The following PACRG variants were observed in gnomAD, a reference collection of about 807,000 sequenced individuals.
PACRG encodes the protein parkin coregulated.
In PACRG, 29 loss-of-function variants were observed where a neutral mutation model predicts 29.7. The observed-to-expected ratio is 0.98, with a 90% CI of 0.73 to 1.33. PACRG has a LOEUF of 1.33. Among genes scored for constraint, PACRG ranks in the 40% most tolerant of loss-of-function variants. The pLI is 0.00. For missense variants in PACRG, 279 were observed against 316.2 expected (o/e 0.88, Z 0.89); for synonymous variants, 116 against 118.7 (o/e 0.98, Z 0.15).
At chr6:163,173,941 G>A (rs1246856401) in intron 4 of PACRG, among the ~76,000 whole-genome samples, 5 of 152,196 alleles carry the variant, frequency 3.3e-5, no homozygotes, top group African/African-American at 4.8e-5. Flanking sequence ...CCTGGAGCAC[G>A]TATCAGCTGC....
At chr6:162,811,263 C>T (rs1022717957) in intron 1 of PACRG, among the ~76,000 whole-genome samples, 1 of 152,012 alleles carries the variant, frequency 6.6e-6, no homozygotes, top group Non-Finnish European at 1.5e-5. Context: ...AAAGGAGAAA[C>T]CGAAGACACA....
chr6:162,905,983 C>T (rs1795904819), intron 2 of PACRG, among the ~76,000 whole-genome samples: 1 of 152,042 alleles, frequency 6.6e-6, no homozygotes. Flanking sequence ...TTTGCAATTC[C>T]TGGTTTATAT....
intron 2 of PACRG, among the ~76,000 whole-genome samples, chr6:162,877,593 A>G (rs1195695599): frequency 6.8e-6 from 1 of 146,970 alleles, no homozygotes; most frequent in East Asian, 1.9e-4. Context: ...ATAATAAAAA[A>G]AAGAAAAAAA....
intron 2 of PACRG, among the ~76,000 whole-genome samples, chr6:162,820,862 A>G (rs1787783381): frequency 6.6e-6 from 1 of 152,198 alleles, no homozygotes; most frequent in South Asian, 2.1e-4. Flanking sequence ...AAATTTTACA[A>G]GAGAAGTGAC....
At position 162,955,970 on chromosome 6, in the gene PACRG, G is replaced by A. The variant is rs146526930; in HGVS notation, c.292-106180G>A. Among the ~76,000 whole-genome samples the A allele has an allele frequency of 9.5e-3, 1,448 of 152,190 alleles. 26 individuals carry two copies. The highest frequency in any genetic ancestry group is 0.033 in the African/African-American group (1,385 of 41,554). The stretch of plus-strand genomic sequence containing the variant: ...GGTGGGAGCAGCCTGGCGACATGGT[G>A]GTGGTGGGAGAGGAGCCTCTGGACA... On this transcript the variant is annotated intron_variant, in intron 2 of 4. Coordinates refer to ENST00000366888, the MANE Select transcript of PACRG (RefSeq NM_001080379.2).
At position 163,020,542 on chromosome 6, in the gene PACRG, G is replaced by A. The variant is rs139429551; in HGVS notation, c.292-41608G>A. Among the ~76,000 whole-genome samples, 294 of 152,244 alleles carry A rather than the reference G, an allele frequency of 1.9e-3. 1 individual carries two copies. The highest frequency in any genetic ancestry group is 6.2e-3 in the African/African-American group (256 of 41,550). ...AAACAAATAGAAAGGGACCCAGACC[G>A]GTTTGAGCGGTGAGTATTCCACAGA... On this transcript the variant is annotated intron_variant, in intron 2 of 4. Transcript: ENST00000366888.
In PACRG at chr6:163,114,019, G is replaced by T. The variant is rs184289691; in HGVS notation, c.613+24611G>T. 2.0e-5 allele frequency among the ~76,000 whole-genome samples: 3 copies of T among 152,314 alleles called. No individual in the cohort carries two copies. The South Asian group carries it at 6.2e-4, about 32-fold the overall frequency. ...GATCCCAACACTTTGGGAGGCCGAG[G>T]TGGGCAGATTATTTGAGGCCAGGAG... On this transcript the variant is annotated intron_variant, in intron 4 of 4. Transcript: ENST00000366888.
chr6:162,912,014 C>G (rs949452399), intron 2 of PACRG, among the ~76,000 whole-genome samples: 7 of 152,194 alleles, frequency 4.6e-5, no homozygotes, highest in African/African-American at 9.6e-5. Context: ...ACTGGCCAAA[C>G]AAAATGGTGG....
chr6:162,768,817 C>T (rs780116988), intron 1 of PACRG, among the ~76,000 whole-genome samples: 2 of 152,118 alleles, frequency 1.3e-5, no homozygotes, highest in Non-Finnish European at 2.9e-5. Flanking sequence ...TAAATCCACA[C>T]ATTTGACTGA....
In PACRG at chr6:163,250,548, T is replaced by C. The variant is rs141291185; in HGVS notation, c.614-64279T>C. On this transcript the variant is annotated intron_variant, in intron 4 of 4. Coordinates refer to ENST00000366888, the MANE Select transcript of PACRG (RefSeq NM_001080379.2). ...TCTGTAGGTTTTTCAAGGTAAACGA[T>C]CATATCGTCAGCAAACAGTGACAGT... is the stretch of plus-strand genomic sequence containing the variant. 2.6e-3 allele frequency among the ~76,000 whole-genome samples: 401 copies of C among 152,336 alleles called. 12 individuals are homozygous for C. In the East Asian group the frequency reaches 0.071, roughly 27 times the overall value.
chr6:162,858,990 C>T (rs941335798), intron 2 of PACRG, among the ~76,000 whole-genome samples: 1 of 152,174 alleles, frequency 6.6e-6, no homozygotes, highest in Non-Finnish European at 1.5e-5. Context: ...TTTCCATTTT[C>T]TTGAGCTTAA....
At chr6:163,311,512 G>A (rs971493094) in intron 4 of PACRG, among the ~76,000 whole-genome samples, 3 of 152,092 alleles carry the variant, frequency 2.0e-5, no homozygotes, top group Non-Finnish European at 2.9e-5. Flanking sequence ...TCAATTTCAG[G>A]CCCTCAAAAA....
chr6:163,062,946 C>A (rs529065460), intron 3 of PACRG, among the ~76,000 whole-genome samples: 1 of 152,288 alleles, frequency 6.6e-6, no homozygotes, highest in African/African-American at 2.4e-5. Context: ...CACGTGACAG[C>A]CTTCTGGGGT....
chr6:162,940,546 A>G (rs1051358155), intron 2 of PACRG, among the ~76,000 whole-genome samples: 4 of 152,134 alleles, frequency 2.6e-5, no homozygotes, highest in African/African-American at 9.7e-5. Flanking sequence ...AGAATAAAGC[A>G]AAAGGAGTAA....
chr6:163,043,177 C>CA (rs1299904688), intron 2 of PACRG: 1 of 152,168 alleles, frequency 6.6e-6, no homozygotes, highest in Non-Finnish European at 1.5e-5. Flanking sequence ...TCACTGTAAA[C>CA]AAAGTGACAG....
At chr6:162,765,382 AC>A (rs1204697799) in intron 1 of PACRG, among the ~76,000 whole-genome samples, 1 of 151,604 alleles carries the variant, frequency 6.6e-6, no homozygotes, top group Non-Finnish European at 1.5e-5. Flanking sequence ...GTGCAACTCT[AC>A]CCCCTTTCCT....
chr6:162,928,315 A>G (rs1435443730), intron 2 of PACRG, among the ~76,000 whole-genome samples: 1 of 151,954 alleles, frequency 6.6e-6, no homozygotes, highest in Non-Finnish European at 1.5e-5. Context: ...GTTGTTCATA[A>G]TAGTCCCTAA....
chr6:162,838,206 C>T (rs1263312729), intron 2 of PACRG, among the ~76,000 whole-genome samples: 1 of 152,150 alleles, frequency 6.6e-6, no homozygotes, highest in Non-Finnish European at 1.5e-5. Flanking sequence ...TCCTCTGAAT[C>T]TCCGTGGCTT....
At chr6:162,771,852 A>G (rs959130605) in intron 1 of PACRG, among the ~76,000 whole-genome samples, 10 of 152,146 alleles carry the variant, frequency 6.6e-5, no homozygotes, top group Admixed American at 1.3e-4. Context: ...TGCATGAAAC[A>G]TTCTCTCGGA....
Sources: allele counts gnomAD v4.1 joint callset (sites outside exome capture counted in the v4.1 genomes callset), GRCh38; gene constraint gnomAD v4.1.1; transcripts MANE v1.5; gene names NCBI Gene and HGNC (gene_info 2026-07-23, HGNC 2026-07-21).